Variants in TLE4 observed in about 807,000 individuals in gnomAD.
TLE4 encodes TLE family member 4, transcriptional corepressor, also known as transducin-like enhancer protein 4.
TLE4 carries 8 observed loss-of-function variants against 92.8 expected under a neutral mutation model. The ratio of observed to expected loss-of-function variants is 0.09; its 90% CI spans 0.05 to 0.16. The LOEUF is 0.16. Among genes scored for constraint, TLE4 ranks in the 10% least tolerant of loss-of-function variants. TLE4 has a pLI of 1.00. For synonymous variants in TLE4, 371 were observed against 374.1 expected (o/e 0.99, Z 0.10); for missense variants, 675 against 997.6 (o/e 0.68, Z 4.36).
intron 6 of TLE4, chr9:79,649,867 C>T (rs1473781714): frequency 2.9e-6 from 4 of 1,362,176 alleles, no homozygotes; most frequent in East Asian, 4.6e-5. Context: ...AGGTATTGGG[C>T]TTTGGCTGAG....
In TLE4 at chr9:79,718,815, T is replaced by G; in HGVS notation, c.1434T>G (p.Ala478=). Residue 478 remains alanine (A), a synonymous_variant, in exon 15 of 20, where the codon GCT becomes GCG. Coordinates refer to ENST00000376552, the MANE Select transcript of TLE4 (RefSeq NM_007005.6). Reference sequence around the variant, plus strand: ...TCGGACCTGGAATCCCCCGGCATGCTCGCCAGATCAACACCCTCAACCACG... The same window carrying G: ...TCGGACCTGGAATCCCCCGGCATGCGCGCCAGATCAACACCCTCAACCACG... ...ALIGPGIPRH[A]RQINTLNHGE... is the part of the protein sequence containing the mutation. The G allele has an allele frequency of 6.2e-7, 1 of 1,613,854 alleles. No individual in the cohort carries two copies. Among genetic ancestry groups the G allele is most frequent in the African/African-American group, 1.3e-5 (1 of 74,880 alleles).
intron 8 of TLE4, among the ~76,000 whole-genome samples, chr9:79,682,384 G>T (rs1157303369): frequency 1.3e-5 from 2 of 152,148 alleles, no homozygotes; most frequent in Admixed American, 6.6e-5. Context: ...GAATTCTAAA[G>T]CACATCTGGC....
chr9:79,607,551 A>C (rs1349198318), intron 4 of TLE4, among the ~76,000 whole-genome samples: 1 of 152,120 alleles, frequency 6.6e-6, no homozygotes, highest in African/African-American at 2.4e-5. Context: ...ATTTTTATGT[A>C]AGGTGTAAGG....
At chr9:79,708,811 A>G (rs750954368) in intron 13 of TLE4, 25 bp downstream of exon 13, 2 of 1,588,558 alleles carry the variant, frequency 1.3e-6, no homozygotes, top group South Asian at 1.1e-5. Context: ...TTCACAAATA[A>G]TATTTTAGCA....
chr9:79,712,695 A>G (rs1177246355), intron 14 of TLE4, among the ~76,000 whole-genome samples: 2 of 152,260 alleles, frequency 1.3e-5, no homozygotes, highest in Non-Finnish European at 2.9e-5. Context: ...TTGTCTGCTC[A>G]GGTGAATTAG....
chr9:79,610,105 GCTGT>G (rs1422506658), intron 4 of TLE4, among the ~76,000 whole-genome samples: 9 of 152,048 alleles, frequency 5.9e-5, no homozygotes, highest in Non-Finnish European at 1.2e-4. Flanking sequence ...TTACCCTAAA[GCTGT>G]CTGTCTGTTA....
intron 14 of TLE4, among the ~76,000 whole-genome samples, chr9:79,716,232 T>C (rs1267377401): frequency 1.3e-5 from 2 of 152,212 alleles, no homozygotes; most frequent in Non-Finnish European, 2.9e-5. Flanking sequence ...TCTGGCCTCC[T>C]TGCTTCGTTC....
At chr9:79,576,597 G>A (rs1165003138) in intron 4 of TLE4, 1 of 152,582 alleles carries the variant, frequency 6.6e-6, no homozygotes, top group Admixed American at 6.5e-5. Flanking sequence ...AATGGATAGA[G>A]GGTGAGCTGG....
At chr9:79,616,852 A>G (rs930953076) in intron 5 of TLE4, among the ~76,000 whole-genome samples, 1 of 152,158 alleles carries the variant, frequency 6.6e-6, no homozygotes, top group African/African-American at 2.4e-5. Context: ...CATTTCTGCT[A>G]ATTTAGAATT....
intron 8 of TLE4, among the ~76,000 whole-genome samples, 155 bp downstream of exon 8, chr9:79,654,230 ATTTT>A (rs35639126): frequency 3.0e-5 from 4 of 131,264 alleles, no homozygotes; most frequent in Admixed American, 7.7e-5. Flanking sequence ...TGTGTGGTTG[ATTTT>A]TTTTTTTTTT....
At chr9:79,598,682 C>A (rs1194044133) in intron 4 of TLE4, among the ~76,000 whole-genome samples, 6 of 152,104 alleles carry the variant, frequency 3.9e-5, no homozygotes, top group South Asian at 4.2e-4. Context: ...AGACAATAAT[C>A]GAAAGTTATG....
In TLE4 at chr9:79,612,711, C is replaced by G. The variant is rs757549536; in HGVS notation, c.308C>G (p.Ser103Cys). 6.2e-7 allele frequency: 1 copy of G among 1,612,914 alleles called. No individual in the cohort carries two copies. Among genetic ancestry groups the G allele is most frequent in the Non-Finnish European group, 8.5e-7 (1 of 1,179,236 alleles). ...AICAQVIPFL[S>C]QEHQQQVVQA... Reference sequence around the variant, plus strand: ...TGTGCACAAGTCATTCCTTTCCTGTCCCAAGAGGTAAGGTAGTTGATTTTA... The same window carrying G: ...TGTGCACAAGTCATTCCTTTCCTGTGCCAAGAGGTAAGGTAGTTGATTTTA... The change falls in exon 5 of 20, where the codon TCC (serine) becomes TGC (cysteine). Residue 103 changes from serine to cysteine, a missense_variant. Around this residue, in one of 5 missense-constraint regions of TLE4, gnomAD observed 68 missense variants for 141.2 expected, o/e 0.48. Transcript: ENST00000376552.
At chr9:79,594,074 G>C (rs569210906) in intron 4 of TLE4, among the ~76,000 whole-genome samples, 14 of 152,168 alleles carry the variant, frequency 9.2e-5, no homozygotes, top group African/African-American at 1.7e-4. Flanking sequence ...CCTGATCTGG[G>C]CCTTAGGCAT....
At chr9:79,651,935 G>A (rs1246463387) in intron 6 of TLE4, among the ~76,000 whole-genome samples, 1 of 152,132 alleles carries the variant, frequency 6.6e-6, no homozygotes, top group East Asian at 1.9e-4. Flanking sequence ...GTATGATAGC[G>A]AGGCCTTATT....
chr9:79,684,506 A>G (rs1483648003), intron 8 of TLE4, among the ~76,000 whole-genome samples: 2 of 128,506 alleles, frequency 1.6e-5, no homozygotes, highest in Admixed American at 8.2e-5. Context: ...CAATGCAGGG[A>G]TCTAGGTTGT....
At chr9:79,590,701 T>TTA (rs2042327877) in intron 4 of TLE4, among the ~76,000 whole-genome samples, 1 of 152,180 alleles carries the variant, frequency 6.6e-6, no homozygotes, top group Non-Finnish European at 1.5e-5. Context: ...GAGGTGGTAT[T>TTA]TATGCCTTCT....
At chr9:79,592,436 C>T (rs6559487) in intron 4 of TLE4, among the ~76,000 whole-genome samples, 21,859 of 151,530 alleles carry the variant, frequency 0.14, 1,742 homozygotes, top group African/African-American at 0.2. Context: ...TCACCACACC[C>T]GGCAATTTTT....
chr9:79,645,306 G>A (rs1290115213), intron 6 of TLE4, among the ~76,000 whole-genome samples: 1 of 152,152 alleles, frequency 6.6e-6, no homozygotes, highest in Non-Finnish European at 1.5e-5. Context: ...TAAGGAAGGT[G>A]CGTGTTTTTT....
intron 4 of TLE4, among the ~76,000 whole-genome samples, chr9:79,582,977 C>T (rs568163501): frequency 7.2e-5 from 11 of 152,128 alleles, no homozygotes; most frequent in Middle Eastern, 3.4e-3. Flanking sequence ...AAGTATACTG[C>T]GAACAGTTTA....
Sources: allele counts gnomAD v4.1 joint callset (sites outside exome capture counted in the v4.1 genomes callset), GRCh38; gene constraint gnomAD v4.1.1; regional missense constraint gnomAD v4.1.1; transcripts MANE v1.5; gene names NCBI Gene and HGNC (gene_info 2026-07-23, HGNC 2026-07-21).